PIR: variants seen among roughly 807,000 people sequenced by gnomAD.
The protein encoded by PIR is pirin.
In PIR, 22 loss-of-function variants were observed where a neutral mutation model predicts 24.2. That is an observed-to-expected ratio of 0.91 (90% CI 0.65 to 1.30). The LOEUF (loss-of-function observed/expected upper bound fraction) is 1.30, where lower values mean the gene tolerates loss of function less well. Ranked by LOEUF, PIR falls within the 50% of genes most tolerant of loss-of-function variation. The probability of loss-of-function intolerance (pLI) is 0.00; values close to 1 mark genes in which losing one functional copy is unlikely to be tolerated. For missense variants in PIR, 220 were observed against 220.3 expected, an observed-to-expected ratio of 1.00 and a Z score of 0.01; for synonymous variants, 80 against 79.6, an observed-to-expected ratio of 1.00 and a Z score of -0.03.
intron 2 of PIR, among the ~76,000 whole-genome samples, chrX:15,489,574 T>A (rs1923049139): frequency 8.9e-6 from 1 of 111,888 alleles, no homozygotes; most frequent in African/African-American, 3.3e-5. Context: ...TGTAGCCTAG[T>A]AGAATATGAT....
chrX:15,489,568 G>A (rs1424538429), intron 2 of PIR, among the ~76,000 whole-genome samples: 1 of 111,706 alleles, frequency 9.0e-6, no homozygotes, highest in African/African-American at 3.3e-5. Flanking sequence ...TGGTGATGTA[G>A]CCTAGTAGAA....
chrX:15,440,010 C>T (rs1327992703), intron 5 of PIR, among the ~76,000 whole-genome samples: 1 of 111,660 alleles, frequency 9.0e-6, no homozygotes, highest in Non-Finnish European at 1.9e-5. Flanking sequence ...CTCTGTCTCT[C>T]TGGCCCTGGG....
chrX:15,388,759 G>A (rs1019032481), intron 9 of PIR, among the ~76,000 whole-genome samples: 1 of 112,184 alleles, frequency 8.9e-6, no homozygotes, highest in African/African-American at 3.2e-5. Context: ...AGGGTCTTAG[G>A]TAATTCATGA....
chrX:15,418,406 A>T (rs935879864), intron 6 of PIR, among the ~76,000 whole-genome samples: 1 of 112,446 alleles, frequency 8.9e-6, no homozygotes. Flanking sequence ...CAGCAAAAGG[A>T]AAGTCAGATT....
At chrX:15,459,914 T>TA (rs56263338) in intron 3 of PIR, among the ~76,000 whole-genome samples, 174 bp from the exon 4 acceptor site, 6,316 of 95,334 alleles carry the variant, frequency 0.066, 222 homozygotes, top group Non-Finnish European at 0.099. Flanking sequence ...GCCTTTTCAT[T>TA]AAAAAAAAAA....
intron 6 of PIR, among the ~76,000 whole-genome samples, chrX:15,419,359 G>GTC (rs1925035301): frequency 9.4e-6 from 1 of 105,980 alleles, no homozygotes; most frequent in Non-Finnish European, 2.0e-5. Flanking sequence ...GTGTGTGTGT[G>GTC]TGTGTGTGTG....
chrX:15,451,405 A>C (rs1452136400), intron 5 of PIR, among the ~76,000 whole-genome samples: 2 of 111,068 alleles, frequency 1.8e-5, no homozygotes, highest in African/African-American at 6.5e-5. Flanking sequence ...TTAAAGAAAA[A>C]AAAAAAAGAT....
chrX:15,441,316 G>A (rs1191891422), intron 5 of PIR, among the ~76,000 whole-genome samples: 1 of 111,681 alleles, frequency 9.0e-6, no homozygotes, highest in Non-Finnish European at 1.9e-5. Context: ...TTGATGATAG[G>A]AGAGGTTTAT....
chrX:15,421,003 T>C (rs1359245988), intron 6 of PIR, among the ~76,000 whole-genome samples: 2 of 111,884 alleles, frequency 1.8e-5, no homozygotes, highest in Non-Finnish European at 3.8e-5. Context: ...TATATGTCAG[T>C]GTATAAAAAT....
chrX:15,441,768 C>G (rs1925922081), intron 5 of PIR, among the ~76,000 whole-genome samples: 1 of 111,304 alleles, frequency 9.0e-6, no homozygotes, highest in African/African-American at 3.3e-5. Flanking sequence ...TTTTCTTTCT[C>G]TTTCTCTCTT....
chrX:15,387,004 C>T (rs1344096515), intron 9 of PIR, among the ~76,000 whole-genome samples: 11 of 105,938 alleles, frequency 1.0e-4, no homozygotes, highest in South Asian at 4.2e-4. Context: ...AGATACAGGA[C>T]GTGGGAGGCT....
chrX:15,437,120 T>C (rs1925774740), intron 5 of PIR, among the ~76,000 whole-genome samples: 1 of 112,266 alleles, frequency 8.9e-6, no homozygotes, highest in Non-Finnish European at 1.9e-5. Flanking sequence ...TCAAATAAAA[T>C]GGGACAAAAT....
chrX:15,417,637 A>G (rs769026378), intron 6 of PIR, among the ~76,000 whole-genome samples: 59 of 111,704 alleles, frequency 5.3e-4, no homozygotes, highest in Non-Finnish European at 1.0e-3. Flanking sequence ...TGAGCCTCAT[A>G]GGTCTAAAAT....
intron 6 of PIR, among the ~76,000 whole-genome samples, chrX:15,424,935 G>T (rs1483192808): frequency 9.1e-6 from 1 of 110,255 alleles, no homozygotes; most frequent in Admixed American, 9.7e-5. Flanking sequence ...GGAGTTCAAG[G>T]CTGCAGTGAG....
At chrX:15,397,596 T>G in intron 7 of PIR, 65 bp from the exon 8 acceptor site, 5 of 742,295 alleles carry the variant, frequency 6.7e-6, no homozygotes, top group Non-Finnish European at 1.1e-5. Context: ...GGTTACTTAT[T>G]TGGTTAACTA....
At chrX:15,438,595 C>T (rs899855393) in intron 5 of PIR, among the ~76,000 whole-genome samples, 1 of 112,212 alleles carries the variant, frequency 8.9e-6, no homozygotes, top group East Asian at 2.8e-4. Flanking sequence ...ACACATTTTA[C>T]ATGCCTCCTC....
In PIR at chrX:15,471,132, T is replaced by C. The variant is rs761911396; in HGVS notation, c.189+8597A>G. Reference sequence around the variant, plus strand: ...GTTAACACAGACGAGGCTTTAATTCTTTGCTGTGGGAAGTGGCCTGTGCAC... The same window carrying C: ...GTTAACACAGACGAGGCTTTAATTCCTTGCTGTGGGAAGTGGCCTGTGCAC... On this transcript the variant is annotated intron_variant, in intron 3 of 9. Transcript: ENST00000380420. 3.8e-3 allele frequency among the ~76,000 whole-genome samples: 429 copies of C among 112,129 alleles called. 2 individuals are homozygous for C. The highest frequency in any genetic ancestry group is 0.014 in the African/African-American group (417 of 30,845).
chrX:15,465,441 A>C (rs1416033376), intron 3 of PIR, among the ~76,000 whole-genome samples: 2 of 112,138 alleles, frequency 1.8e-5, no homozygotes, highest in Non-Finnish European at 3.8e-5. Context: ...CTGAGAGTTG[A>C]CACAATCCAG....
At chrX:15,473,328 C>A (rs939282974) in intron 3 of PIR, among the ~76,000 whole-genome samples, 13 of 110,711 alleles carry the variant, frequency 1.2e-4, no homozygotes, top group South Asian at 3.8e-4. Flanking sequence ...GTGGAACAGC[C>A]CCCCCATAGC....
Sources: allele counts gnomAD v4.1 joint callset (sites outside exome capture counted in the v4.1 genomes callset), GRCh38; gene constraint gnomAD v4.1.1; transcripts MANE v1.5; gene names NCBI Gene and HGNC (gene_info 2026-07-23, HGNC 2026-07-21).